NECTIN1: variants seen among roughly 807,000 people sequenced by gnomAD.
The protein encoded by NECTIN1 is nectin-1.
Under a neutral mutation model 48.0 loss-of-function variants are expected in NECTIN1, and 23 were observed. That is an observed-to-expected ratio of 0.48 (90% confidence interval 0.34 to 0.68). The LOEUF (loss-of-function observed/expected upper bound fraction) is 0.68, where lower values mean the gene tolerates loss of function less well. Among genes scored for constraint, NECTIN1 ranks in the 30% least tolerant of loss-of-function variants. The pLI, the probability that NECTIN1 is intolerant of heterozygous loss-of-function variation, is 0.01. For synonymous variants in NECTIN1, 270 were observed against 288.9 expected, an observed-to-expected ratio of 0.93 and a Z score of 0.66; for missense variants, 591 against 709.9, an observed-to-expected ratio of 0.83 and a Z score of 1.90.
At chr11:119,639,651 C>G in intron 6 of NECTIN1, 1 of 610,682 alleles carries the variant, frequency 1.6e-6, no homozygotes, top group Non-Finnish European at 2.9e-6. Flanking sequence ...CTTTATGAAG[C>G]CCTTTTGAAC....
chr11:119,724,737 G>A (rs1565406211), intron 1 of NECTIN1, among the ~76,000 whole-genome samples: 1 of 151,958 alleles, frequency 6.6e-6, no homozygotes, highest in African/African-American at 2.4e-5. Flanking sequence ...CCCCATAGAT[G>A]CACACACACA....
chr11:119,648,786 A>T (rs1328345979), intron 5 of NECTIN1, among the ~76,000 whole-genome samples: 1 of 151,940 alleles, frequency 6.6e-6, no homozygotes, highest in East Asian at 1.9e-4. Flanking sequence ...GCCACTGCAC[A>T]GGGACTCCCC....
intron 1 of NECTIN1, among the ~76,000 whole-genome samples, chr11:119,722,831 G>T (rs1291169397): frequency 6.6e-6 from 1 of 152,262 alleles, no homozygotes; most frequent in Non-Finnish European, 1.5e-5. Flanking sequence ...GGAAGGCATA[G>T]GGGATAGAAG....
intron 1 of NECTIN1, among the ~76,000 whole-genome samples, chr11:119,679,507 C>T (rs1020738558): frequency 3.3e-5 from 5 of 152,158 alleles, no homozygotes; most frequent in African/African-American, 1.2e-4. Flanking sequence ...TCCCCATGGC[C>T]TTCACAGCCA....
intron 1 of NECTIN1, among the ~76,000 whole-genome samples, chr11:119,714,938 G>A (rs1195261025): frequency 6.6e-6 from 1 of 152,120 alleles, no homozygotes; most frequent in African/African-American, 2.4e-5. Context: ...AGATGGTGAG[G>A]TGTGTGAGAC....
intron 5 of NECTIN1, among the ~76,000 whole-genome samples, chr11:119,649,398 GA>G (rs1864458250): frequency 6.7e-6 from 1 of 149,572 alleles, no homozygotes; most frequent in African/African-American, 2.5e-5. Flanking sequence ...AAAAGAAAAA[GA>G]AAAAAAGGCT....
At chr11:119,657,953 C>T (rs1278125629), downstream of NECTIN1, among the ~76,000 whole-genome samples, 1 of 146,104 alleles carries the variant, frequency 6.8e-6, no homozygotes, top group Non-Finnish European at 1.5e-5. Context: ...TCTGTCTAGG[C>T]CCCAATCCCA....
At chr11:119,706,738 C>T (rs902365736) in intron 1 of NECTIN1, among the ~76,000 whole-genome samples, 4 of 152,216 alleles carry the variant, frequency 2.6e-5, no homozygotes, top group African/African-American at 9.6e-5. Flanking sequence ...CTGCTTCCTT[C>T]CTTGTCACCT....
exon 6 of NECTIN1, chr11:119,639,921 A>G: frequency 3.7e-6 from 6 of 1,614,182 alleles, no homozygotes; most frequent in Non-Finnish European, 4.2e-6. Context: ...GGAAGAAGAC[A>G]GTGAGCACAG....
intron 1 of NECTIN1, among the ~76,000 whole-genome samples, chr11:119,700,858 G>A (rs1865438930): frequency 6.6e-6 from 1 of 152,186 alleles, no homozygotes; most frequent in Non-Finnish European, 1.5e-5. Flanking sequence ...CATCAACTCT[G>A]CGAAACAAAT....
chr11:119,693,917 C>G (rs770616660), intron 1 of NECTIN1, among the ~76,000 whole-genome samples: 3 of 152,166 alleles, frequency 2.0e-5, no homozygotes, highest in Admixed American at 2.0e-4. Flanking sequence ...CTAATGACTC[C>G]TCACTCAGAA....
At chr11:119,668,520 T>C (rs1864813563) in intron 5 of NECTIN1, among the ~76,000 whole-genome samples, 1 of 152,220 alleles carries the variant, frequency 6.6e-6, no homozygotes. Flanking sequence ...GATTCCTTAC[T>C]GCAAGCCTTT....
intron 5 of NECTIN1, among the ~76,000 whole-genome samples, chr11:119,648,521 T>C (rs886371455): frequency 5.4e-5 from 8 of 149,468 alleles, no homozygotes; most frequent in Non-Finnish European, 1.0e-4. Flanking sequence ...GGCTGAGACC[T>C]CCTGGAGCCA....
At chr11:119,726,516 T>G (rs571885516) in intron 1 of NECTIN1, among the ~76,000 whole-genome samples, 33 of 152,336 alleles carry the variant, frequency 2.2e-4, no homozygotes, top group African/African-American at 7.9e-4. Context: ...TTCCTTTCTC[T>G]GCATCCCACC....
At chr11:119,706,696 G>A (rs1461252908) in intron 1 of NECTIN1, among the ~76,000 whole-genome samples, 1 of 152,226 alleles carries the variant, frequency 6.6e-6, no homozygotes, top group Non-Finnish European at 1.5e-5. Flanking sequence ...CAGGGGCCTT[G>A]GTGATTCCTT....
Position 119,664,775 on chromosome 11 carries a change from A to G in NECTIN1, c.1526T>C (p.Phe509Ser), listed in dbSNP as rs1310109445. ...CACGTACCACTCCTTCTTGGAAATGAAAGACCCGTCGTTCTGAGAAACCAT... is the reference window on the plus strand; with the variant it reads ...CACGTACCACTCCTTCTTGGAAATGGAAGACCCGTCGTTCTGAGAAACCAT... Reference protein sequence around the residue: ...ENMVSQNDGSFISKKEWYV With the variant: ...ENMVSQNDGSSISKKEWYV The change falls in exon 6 of 6, where the codon TTC becomes TCC. Residue 509 changes from phenylalanine to serine, a missense_variant. Coordinates refer to ENST00000264025, the MANE Select transcript of NECTIN1 (RefSeq NM_002855.5). The G allele has an allele frequency of 1.9e-6, 3 of 1,612,568 alleles. No individual in the cohort carries two copies. Among genetic ancestry groups the G allele is most frequent in the Non-Finnish European group, 1.7e-6 (2 of 1,179,138 alleles).
chr11:119,703,173 A>G lies in NECTIN1; in HGVS notation c.80-24408T>C, dbSNP rs181930544. Among the ~76,000 whole-genome samples, 325 of 152,344 alleles carry G rather than the reference A, an allele frequency of 2.1e-3. 1 individual carries two copies. Among genetic ancestry groups the G allele is most frequent in the African/African-American group, 7.4e-3 (308 of 41,586 alleles). On this transcript the variant is annotated intron_variant, in intron 1 of 5. Coordinates refer to ENST00000264025, the MANE Select transcript of NECTIN1 (RefSeq NM_002855.5). Reference sequence around the variant, plus strand: ...TGACACACGGCATGACCAGGAGACCAAGGTGCCTCAAAGCTTCCCCAGCTC... The same window carrying G: ...TGACACACGGCATGACCAGGAGACCGAGGTGCCTCAAAGCTTCCCCAGCTC...
intron 5 of NECTIN1, chr11:119,642,744 A>T (rs899771806): frequency 2.0e-5 from 3 of 153,608 alleles, no homozygotes; most frequent in African/African-American, 7.2e-5. Flanking sequence ...ATTTGCCTAT[A>T]ACCTATACAC....
chr11:119,710,655 A>G (rs977614164), intron 1 of NECTIN1, among the ~76,000 whole-genome samples: 2 of 152,192 alleles, frequency 1.3e-5, no homozygotes, highest in Non-Finnish European at 2.9e-5. Flanking sequence ...CTGGTGAAGT[A>G]GGGTCCTCCA....
Sources: allele counts gnomAD v4.1 joint callset (sites outside exome capture counted in the v4.1 genomes callset), GRCh38; gene constraint gnomAD v4.1.1; transcripts MANE v1.5; gene names NCBI Gene and HGNC (gene_info 2026-07-23, HGNC 2026-07-21).